The following ANO3 variants were observed in gnomAD, a reference collection of about 807,000 sequenced individuals.
ANO3 encodes the protein anoctamin-3.
In ANO3, 99 loss-of-function variants were observed where a neutral mutation model predicts 144.8. The observed-to-expected ratio is 0.68, with a 90% CI of 0.58 to 0.81. The LOEUF (loss-of-function observed/expected upper bound fraction) is 0.81, where lower values mean the gene tolerates loss of function less well. Among genes scored for constraint, ANO3 ranks in the 30% least tolerant of loss-of-function variants. ANO3 has a pLI of 0.00. For synonymous variants in ANO3, 414 were observed against 392.6 expected (o/e 1.05, Z -0.64); for missense variants, 905 against 1,202.2 (o/e 0.75, Z 3.66).
At chr11:26,254,034 T>C (rs1193379326) in intron 1 of ANO3, among the ~76,000 whole-genome samples, 1 of 152,188 alleles carries the variant, frequency 6.6e-6, no homozygotes, top group African/African-American at 2.4e-5. Flanking sequence ...GCAATTTTGT[T>C]CTAGATGGAA....
chr11:26,624,597 A>G, intron 18 of ANO3, 99 bp downstream of exon 18: 1 of 858,090 alleles, frequency 1.2e-6, no homozygotes, highest in Non-Finnish European at 1.9e-6. Context: ...TAATAACTGC[A>G]ATTATTTAAG....
chr11:26,651,914 C>T (rs1052403279), intron 24 of ANO3, among the ~76,000 whole-genome samples: 3 of 152,210 alleles, frequency 2.0e-5, no homozygotes, highest in African/African-American at 7.2e-5. Flanking sequence ...TCTTTGAACT[C>T]ACCTGGATCT....
intron 1 of ANO3, among the ~76,000 whole-genome samples, chr11:26,441,397 G>A (rs1246589096): frequency 6.6e-6 from 1 of 151,216 alleles, no homozygotes; most frequent in Non-Finnish European, 1.5e-5. Flanking sequence ...GATTACAGGC[G>A]TGAGCCACTG....
At chr11:26,268,586 G>A (rs56215315) in intron 1 of ANO3, among the ~76,000 whole-genome samples, 2,639 of 152,200 alleles carry the variant, frequency 0.017, 71 homozygotes, top group African/African-American at 0.061. Flanking sequence ...TTGCACGTGT[G>A]TATAATACTT....
chr11:26,650,021 A>G (rs1217087847), intron 24 of ANO3, among the ~76,000 whole-genome samples: 7 of 152,106 alleles, frequency 4.6e-5, no homozygotes, highest in Non-Finnish European at 1.0e-4. Flanking sequence ...CTCTGCGTTT[A>G]TGTAGATAGC....
chr11:26,364,189 A>G (rs1380095861), intron 1 of ANO3, among the ~76,000 whole-genome samples: 1 of 152,166 alleles, frequency 6.6e-6, no homozygotes, highest in Non-Finnish European at 1.5e-5. Flanking sequence ...AAATCAAATA[A>G]GAAATTTTTT....
intron 4 of ANO3, among the ~76,000 whole-genome samples, chr11:26,470,036 G>A (rs1021129327): frequency 1.1e-4 from 16 of 151,840 alleles, no homozygotes; most frequent in African/African-American, 3.9e-4. Context: ...TCACAAGGAA[G>A]GTTCAGTACC....
intron 6 of ANO3, among the ~76,000 whole-genome samples, chr11:26,521,666 A>G (rs1178821245): frequency 6.6e-6 from 1 of 152,168 alleles, no homozygotes; most frequent in Non-Finnish European, 1.5e-5. Context: ...TGTCTTCTGC[A>G]TTCCAGACAT....
chr11:26,274,012 G>T (rs1460434076), intron 1 of ANO3, among the ~76,000 whole-genome samples: 1 of 151,888 alleles, frequency 6.6e-6, no homozygotes, highest in East Asian at 1.9e-4. Flanking sequence ...CAGACTGTTG[G>T]GACAGAAACC....
chr11:26,445,595 C>A (rs1232859363), intron 3 of ANO3, among the ~76,000 whole-genome samples: 2 of 151,972 alleles, frequency 1.3e-5, no homozygotes, highest in African/African-American at 2.4e-5. Flanking sequence ...ATTTTAGCAT[C>A]CCCCAGCATC....
chr11:26,441,903 A>G lies in ANO3; in HGVS notation c.47-15A>G. ...TGATTTTTTATTGCTAAAACTCAAC[A>G]TTTTGGATTTGCAGGTATGAATATA... On this transcript the variant is annotated splice_polypyrimidine_tract_variant and intron_variant, in intron 1 of 26. Transcript: ENST00000256737. 1 of 1,601,176 alleles carries G rather than the reference A, an allele frequency of 6.2e-7. No homozygotes were observed. The highest frequency in any genetic ancestry group is 1.1e-5 in the South Asian group (1 of 89,202).
Position 26,548,440 on chromosome 11 carries a change from T to G in ANO3, c.1289+890T>G, listed in dbSNP as rs117923388. On this transcript the variant is annotated intron_variant, in intron 12 of 26. Transcript: ENST00000256737. ...ATATCTCTCCCCTTTCTTTCAAAGC[T>G]CAATGCTTTCTTCTCTTTTGGTCCA... Among the ~76,000 whole-genome samples the G allele has an allele frequency of 3.6e-3, 549 of 152,064 alleles. 4 individuals are homozygous for G. Among genetic ancestry groups the G allele is most frequent in the Middle Eastern group, 0.01 (3 of 294 alleles).
intron 3 of ANO3, among the ~76,000 whole-genome samples, chr11:26,450,406 T>C (rs546528902): frequency 1.3e-5 from 2 of 152,258 alleles, no homozygotes; most frequent in South Asian, 2.1e-4. Flanking sequence ...TTTAGAACAA[T>C]AGGGCTAGGG....
chr11:26,602,377 T>C (rs536379172), intron 17 of ANO3, among the ~76,000 whole-genome samples: 1 of 152,144 alleles, frequency 6.6e-6, no homozygotes, highest in East Asian at 1.9e-4. Flanking sequence ...ATTTGATAGG[T>C]AAATAGCCAC....
At chr11:26,227,481 G>A (rs923928753) in intron 1 of ANO3, among the ~76,000 whole-genome samples, 1 of 152,096 alleles carries the variant, frequency 6.6e-6, no homozygotes, top group Non-Finnish European at 1.5e-5. Flanking sequence ...TCTTTCTCAG[G>A]AAATGATCAA....
At chr11:26,438,592 C>CAAAAAAAAAA (rs1227963923) in intron 1 of ANO3, among the ~76,000 whole-genome samples, 54 of 70,152 alleles carry the variant, frequency 7.7e-4, no homozygotes, top group African/African-American at 1.7e-3. Context: ...ACTAAAAATA[C>CAAAAAAAAAA]AAAAAAAAAA....
rs1026088784 is a variant in ANO3 at position 26,454,690 on chromosome 11, C to G, written c.314-8340C>G. On this transcript the variant is annotated intron_variant, in intron 3 of 26. Transcript: ENST00000256737. ...CCATTCCTTCTGAAACTATTCCAAT[C>G]GATAGAAAAAGAGGGAATCCTCCCT... 1.8e-4 allele frequency among the ~76,000 whole-genome samples: 27 copies of G among 151,766 alleles called. 1 individual carries two copies. The highest frequency in any genetic ancestry group is 1.5e-3 in the Admixed American group (23 of 15,240).
rs376376062 is a variant in ANO3 at position 26,660,462 on chromosome 11, T to C, written c.*18T>C. The C allele has an allele frequency of 1.2e-4, 187 of 1,585,422 alleles. No homozygotes were observed. Among genetic ancestry groups the C allele is most frequent in the Non-Finnish European group, 1.6e-4 (182 of 1,168,464 alleles). On this transcript the variant is annotated 3_prime_UTR_variant, in exon 27 of 27. Transcript: ENST00000256737. ...GGCCTTAGTTGACACCTGTTACCCA[T>C]TAGGGGTGATAACATTAATGGGAAG... is the stretch of plus-strand genomic sequence containing the variant.
At chr11:26,540,685 A>T (rs1849620081) in intron 10 of ANO3, among the ~76,000 whole-genome samples, 1 of 152,316 alleles carries the variant, frequency 6.6e-6, no homozygotes, top group East Asian at 1.9e-4. Context: ...GCCAACAAAG[A>T]TATGAAAAAA....
Sources: allele counts gnomAD v4.1 joint callset (sites outside exome capture counted in the v4.1 genomes callset), GRCh38; gene constraint gnomAD v4.1.1; transcripts MANE v1.5; gene names NCBI Gene and HGNC (gene_info 2026-07-23, HGNC 2026-07-21).